The following CALN1 variants were observed in gnomAD, a reference collection of about 807,000 sequenced individuals.
CALN1 encodes calneuron 1, also known as calcium-binding protein 8.
Under a neutral mutation model 30.6 loss-of-function variants are expected in CALN1, and 17 were observed. The observed-to-expected ratio is 0.56, with a 90% CI of 0.38 to 0.83. The LOEUF is 0.83. Ranked by LOEUF, CALN1 falls within the 40% of genes least tolerant of loss-of-function variation. CALN1 has a pLI of 0.00. For missense variants in CALN1, 291 were observed against 354.9 expected (o/e 0.82, Z 1.45); for synonymous variants, 156 against 131.4 (o/e 1.19, Z -1.28).
At chr7:72,282,657 C>A (rs912447443) in intron 2 of CALN1, among the ~76,000 whole-genome samples, 7 of 152,340 alleles carry the variant, frequency 4.6e-5, no homozygotes, top group African/African-American at 1.4e-4. Context: ...CGATCTTGGA[C>A]TTCCCAACCC....
At chr7:72,356,258 G>A (rs1047338932) in intron 2 of CALN1, among the ~76,000 whole-genome samples, 3 of 152,100 alleles carry the variant, frequency 2.0e-5, no homozygotes, top group African/African-American at 4.8e-5. Context: ...AGGAGCACTG[G>A]AAATACCAAA....
At chr7:72,394,548 T>TG (rs1469821381) in intron 2 of CALN1, among the ~76,000 whole-genome samples, 1 of 151,914 alleles carries the variant, frequency 6.6e-6, no homozygotes, top group East Asian at 1.9e-4. Context: ...AACTGTTGAG[T>TG]GAAAAAAAAG....
the CALN1 span, among the ~76,000 whole-genome samples, chr7:72,488,719 T>A: frequency 6.6e-6 from 1 of 152,208 alleles, no homozygotes; most frequent in African/African-American, 2.4e-5. Flanking sequence ...GATCTCACTC[T>A]GTTGCCCAGG....
At chr7:72,007,697 C>T (rs1314628175) in intron 5 of CALN1, among the ~76,000 whole-genome samples, 1 of 152,168 alleles carries the variant, frequency 6.6e-6, no homozygotes, top group Non-Finnish European at 1.5e-5. Flanking sequence ...ATCACCACAA[C>T]ATCTGCGCTC....
chr7:72,028,537 G>A (rs1801238066), intron 4 of CALN1, among the ~76,000 whole-genome samples: 1 of 152,220 alleles, frequency 6.6e-6, no homozygotes, highest in Non-Finnish European at 1.5e-5. Context: ...GGGCACTCAG[G>A]ATCCTATGGG....
the CALN1 span, among the ~76,000 whole-genome samples, chr7:72,475,697 A>T: frequency 6.6e-6 from 1 of 152,192 alleles, no homozygotes; most frequent in Non-Finnish European, 1.5e-5. Flanking sequence ...CTGAAAATTT[A>T]GACAAGCTTG....
chr7:72,117,969 AG>A (rs200917506), intron 3 of CALN1, among the ~76,000 whole-genome samples: 8 of 146,976 alleles, frequency 5.4e-5, no homozygotes, highest in Non-Finnish European at 5.9e-5. Context: ...AAAAAAAAAA[AG>A]AAAAAAAAAA....
chr7:72,392,225 AG>A (rs1481484771), intron 2 of CALN1, among the ~76,000 whole-genome samples: 1 of 152,144 alleles, frequency 6.6e-6, no homozygotes, highest in Non-Finnish European at 1.5e-5. Flanking sequence ...AAATAATGTC[AG>A]CCCCCAGCCA....
intron 6 of CALN1, among the ~76,000 whole-genome samples, chr7:71,799,438 T>C (rs563071717): frequency 1.0e-3 from 137 of 137,614 alleles, no homozygotes; most frequent in Non-Finnish European, 1.1e-3. Context: ...TATTTATTTA[T>C]TTATTTATTT....
At chr7:71,943,252 C>G (rs369731848) in intron 5 of CALN1, among the ~76,000 whole-genome samples, 15 of 152,304 alleles carry the variant, frequency 9.8e-5, no homozygotes, top group African/African-American at 3.4e-4. Context: ...CATTTTAAAA[C>G]ACACACGCGA....
chr7:72,325,390 C>T (rs1006317071), intron 2 of CALN1, among the ~76,000 whole-genome samples: 3 of 152,210 alleles, frequency 2.0e-5, no homozygotes, highest in African/African-American at 7.2e-5. Flanking sequence ...CACCTGAGGT[C>T]AAGAGTTCGA....
rs189422153 is a variant in CALN1 at position 71,999,899 on chromosome 7, C to G, written c.501+23758G>C. Among the ~76,000 whole-genome samples the G allele has an allele frequency of 1.2e-4, 18 of 151,658 alleles. No homozygotes were observed. In the East Asian group the frequency reaches 3.3e-3, roughly 28 times the overall value. On this transcript the variant is annotated intron_variant, in intron 5 of 6. Coordinates refer to ENST00000395275, the MANE Select transcript of CALN1 (RefSeq NM_031468.4). Reference sequence around the variant, plus strand: ...AAACAAACCACAAAGATATAAATAACTGAAATCACACAGAATATGTTACCT... The same window carrying G: ...AAACAAACCACAAAGATATAAATAAGTGAAATCACACAGAATATGTTACCT...
rs146863626 is a variant in CALN1, at chr7:71,891,814, C to T, written c.502-81322G>A. Among the ~76,000 whole-genome samples, 682 of 151,692 alleles carry T rather than the reference C, an allele frequency of 4.5e-3. 3 individuals carry two copies. The highest frequency in any genetic ancestry group is 0.02 in the Middle Eastern group (6 of 294). On this transcript the variant is annotated intron_variant, in intron 5 of 6. Transcript: ENST00000395275. ...CAAAAATTAGCTGGGCATGGTGGCT[C>T]ACGCCTGTAATCCCAGCTACTCTGG...
intron 5 of CALN1, among the ~76,000 whole-genome samples, chr7:71,828,687 GATATATAC>G (rs934120939): frequency 1.1e-4 from 17 of 148,008 alleles, no homozygotes; most frequent in Non-Finnish European, 1.6e-4. Context: ...ATATACATAA[GATATATAC>G]ATATATACAT....
At chr7:71,807,724 G>T (rs1787702300) in intron 6 of CALN1, among the ~76,000 whole-genome samples, 1 of 152,042 alleles carries the variant, frequency 6.6e-6, no homozygotes, top group South Asian at 2.1e-4. Context: ...GGAATCACTT[G>T]AGGTCAGGAG....
intron 3 of CALN1, among the ~76,000 whole-genome samples, chr7:72,231,702 A>G (rs1346856440): frequency 6.6e-6 from 1 of 152,168 alleles, no homozygotes; most frequent in African/African-American, 2.4e-5. Flanking sequence ...ACCTATAGGA[A>G]AAGATGTACT....
chr7:72,356,912 C>T (rs946467623), intron 2 of CALN1, among the ~76,000 whole-genome samples: 20 of 151,948 alleles, frequency 1.3e-4, no homozygotes, highest in Non-Finnish European at 2.4e-4. Context: ...TGCTTGTCAA[C>T]GTATGTCTTG....
At chr7:72,154,679 T>TA (rs1244040634) in intron 3 of CALN1, among the ~76,000 whole-genome samples, 51 of 152,092 alleles carry the variant, frequency 3.4e-4, no homozygotes, top group Admixed American at 3.3e-3. Flanking sequence ...GCAGGGCTTT[T>TA]AAGGAGGTTA....
chr7:72,314,364 T>TACATATATATACACATATATAC (rs144343177), intron 2 of CALN1, among the ~76,000 whole-genome samples: 15 of 116,856 alleles, frequency 1.3e-4, no homozygotes, highest in South Asian at 2.6e-4. Flanking sequence ...TATATACATA[T>TACATATATATACACATATATAC]ACATATATAC....
Sources: gnomAD v4.1 joint callset for allele counts (sites outside exome capture counted in the v4.1 genomes callset) on GRCh38, gnomAD v4.1.1 for gene constraint, MANE v1.5 for transcripts, NCBI Gene and HGNC (gene_info 2026-07-23, HGNC 2026-07-21) for gene names.